The following EPB41L1 variants were observed in gnomAD, a reference collection of about 807,000 sequenced individuals.
EPB41L1 encodes erythrocyte membrane protein band 4.1 like 1.
EPB41L1 carries 29 observed loss-of-function variants against 97.8 expected under a neutral mutation model. That is an observed-to-expected ratio of 0.30 (90% CI 0.22 to 0.40). The LOEUF is 0.40. EPB41L1 is among the 10% of genes least tolerant of loss of function. EPB41L1 has a pLI of 1.00. For synonymous variants in EPB41L1, 383 were observed against 459.2 expected (o/e 0.83, Z 2.12); for missense variants, 812 against 1,162.3 (o/e 0.70, Z 4.38).
intron 1 of EPB41L1, among the ~76,000 whole-genome samples, chr20:36,170,341 A>G (rs1446243028): frequency 6.6e-6 from 1 of 152,204 alleles, no homozygotes; most frequent in African/African-American, 2.4e-5. Flanking sequence ...AAAAAATAAT[A>G]ATCTGTCTTC....
chr20:36,165,260 G>C (rs1332822986), intron 1 of EPB41L1, among the ~76,000 whole-genome samples: 1 of 152,048 alleles, frequency 6.6e-6, no homozygotes, highest in Admixed American at 6.6e-5. Context: ...GGGATTACAG[G>C]CATGAGCCAC....
intron 2 of EPB41L1, chr20:36,125,464 C>G: frequency 1.9e-6 from 2 of 1,076,186 alleles, no homozygotes; most frequent in Non-Finnish European, 2.8e-6. Context: ...TGGGGAGGAT[C>G]AATGAGGTAG....
In EPB41L1 at chr20:36,216,081, A is replaced by G. The variant is rs568758745; in HGVS notation, c.2268+1641A>G. 5.9e-5 allele frequency among the ~76,000 whole-genome samples: 9 copies of G among 152,300 alleles called. No homozygotes were observed. The South Asian group carries it at 1.2e-3, about 21-fold the overall frequency. ...CCCTGAGAACAGTGCCTGGCGCATA[A>G]TAAGTGGCCTGAAGATGTGAGCTGC... On this transcript the variant is annotated intron_variant, in intron 17 of 21. Coordinates refer to ENST00000338074, the MANE Select transcript of EPB41L1 (RefSeq NM_012156.2).
intron 1 of EPB41L1, among the ~76,000 whole-genome samples, chr20:36,107,946 A>G (rs1292120866): frequency 1.3e-5 from 2 of 152,086 alleles, no homozygotes; most frequent in African/African-American, 2.4e-5. Flanking sequence ...GGATGTATTA[A>G]AAAATGTAAA....
At chr20:36,117,879 AC>A (rs1439220354) in intron 2 of EPB41L1, among the ~76,000 whole-genome samples, 10 of 152,170 alleles carry the variant, frequency 6.6e-5, no homozygotes, top group African/African-American at 2.4e-4. Context: ...GTAAAGCCTC[AC>A]TCACCACTTC....
intron 2 of EPB41L1, chr20:36,125,644 G>T (rs957183240): frequency 1.4e-6 from 2 of 1,453,646 alleles, no homozygotes; most frequent in African/African-American, 2.8e-5. Context: ...TGTTGGGGAC[G>T]GCAAGGAGGC....
At chr20:36,128,874 C>A (rs1244408265) in intron 2 of EPB41L1, among the ~76,000 whole-genome samples, 1 of 152,094 alleles carries the variant, frequency 6.6e-6, no homozygotes, top group Admixed American at 6.6e-5. Context: ...TGGTGGGAGG[C>A]AGGGATGGGA....
chr20:36,139,159 C>T (rs2059538543), intron 2 of EPB41L1, among the ~76,000 whole-genome samples: 1 of 152,156 alleles, frequency 6.6e-6, no homozygotes, highest in Non-Finnish European at 1.5e-5. Flanking sequence ...CGCTGTACCC[C>T]CAGAGAGGCA....
At chr20:36,159,461 G>C (rs551611099) in intron 1 of EPB41L1, among the ~76,000 whole-genome samples, 1 of 152,304 alleles carries the variant, frequency 6.6e-6, no homozygotes, top group East Asian at 1.9e-4. Context: ...GATTCATTTT[G>C]TGCTTATGAC....
In EPB41L1 at chr20:36,194,205, A is replaced by C; in HGVS notation, c.1301-7A>C. 1 of 1,613,116 alleles carries C rather than the reference A, an allele frequency of 6.2e-7. No individual in the cohort carries two copies. Among genetic ancestry groups the C allele is most frequent in the Non-Finnish European group, 8.5e-7 (1 of 1,179,980 alleles). On this transcript the variant is annotated splice_polypyrimidine_tract_variant and splice_region_variant and intron_variant, in intron 11 of 21. Coordinates refer to ENST00000338074, the MANE Select transcript of EPB41L1 (RefSeq NM_012156.2). Reference sequence around the variant, plus strand: ...CATGGTTGCCTGGCTATCTCCACCCACTTCAGCAGAGTTCTCCCGCCCAGC... The same window carrying C: ...CATGGTTGCCTGGCTATCTCCACCCCCTTCAGCAGAGTTCTCCCGCCCAGC...
At chr20:36,228,696 T>A (rs549179842) in intron 21 of EPB41L1, among the ~76,000 whole-genome samples, 10 of 152,316 alleles carry the variant, frequency 6.6e-5, no homozygotes, top group Non-Finnish European at 8.8e-5. Flanking sequence ...CTTTAAACAC[T>A]GAGTTTTGGA....
chr20:36,207,092 C>A lies in EPB41L1; in HGVS notation c.1669-2396C>A, dbSNP rs2062862697. On this transcript the variant is annotated intron_variant, in intron 14 of 21. Transcript: ENST00000338074. The surrounding 1 kb of genome is among the most constrained non-coding windows in gnomAD (Gnocchi z 4.9). ...ATGGAGGTGATCATTCCCCTGCCAG[C>A]CTCCCCTGGTCATTCTGAGGACCTG... The A allele has an allele frequency of 1.6e-6, 2 of 1,289,006 alleles. No homozygotes were observed. The allele number at this position is 1,289,006 out of a possible 1,614,324, so 79.8% of individuals were successfully genotyped here.
chr20:36,184,104 A>T (rs2061577943), intron 6 of EPB41L1, among the ~76,000 whole-genome samples: 1 of 152,032 alleles, frequency 6.6e-6, no homozygotes, highest in Admixed American at 6.6e-5. Context: ...GCGTGGTGGC[A>T]TGTGGCTGTA....
Position 36,185,211 on chromosome 20 carries a change from C to T in EPB41L1, c.661C>T (p.Gln221Ter). 1.2e-6 allele frequency: 2 copies of T among 1,613,762 alleles called. No homozygotes were observed. The highest frequency in any genetic ancestry group is 1.7e-6 in the Non-Finnish European group (2 of 1,180,048). ...TGCCCTACTGGGCTCCTACGCTGTGCAGGCTGAGCTGGGTGACTATGATGC... is the reference window on the plus strand; with the variant it reads ...TGCCCTACTGGGCTCCTACGCTGTGTAGGCTGAGCTGGGTGACTATGATGC... ...THALLGSYAV[Q>*]AELGDYDAEE... Residue 221 changes from glutamine (Q) to a stop codon, truncating the protein, a stop_gained, in exon 7 of 22, where the codon CAG becomes TAG. Transcript: ENST00000338074. LOFTEE classifies it high-confidence loss of function.
chr20:36,137,999 T>C (rs992742961), intron 2 of EPB41L1, among the ~76,000 whole-genome samples: 4 of 152,268 alleles, frequency 2.6e-5, no homozygotes, highest in Non-Finnish European at 5.9e-5. Context: ...TTTTGTTACT[T>C]AGTATAATGT....
At chr20:36,110,030 C>T (rs2058338785) in intron 1 of EPB41L1, 1 of 151,858 alleles carries the variant, frequency 6.6e-6, no homozygotes, top group Admixed American at 6.6e-5. Context: ...CGACCTCTGC[C>T]TCCTGGGTTC....
intron 7 of EPB41L1, 130 bp downstream of exon 7, chr20:36,185,465 G>A: frequency 3.6e-6 from 3 of 833,230 alleles, no homozygotes; most frequent in Non-Finnish European, 5.9e-6. Flanking sequence ...CTAGCTTGAG[G>A]TATATCTAAG....
intron 1 of EPB41L1, among the ~76,000 whole-genome samples, chr20:36,094,978 T>C (rs1416990036): frequency 1.3e-5 from 2 of 151,990 alleles, no homozygotes; most frequent in Non-Finnish European, 2.9e-5. Context: ...ATTTTTTTTT[T>C]TTTCTTTTTT....
At chr20:36,194,493 G>T in intron 12 of EPB41L1, 133 bp downstream of exon 12, 1 of 1,255,472 alleles carries the variant, frequency 8.0e-7, no homozygotes, top group Non-Finnish European at 1.1e-6. Flanking sequence ...CCATGGCAGG[G>T]CCTTGCCTTT....
Sources: gnomAD v4.1 joint callset for allele counts (sites outside exome capture counted in the v4.1 genomes callset) on GRCh38, gnomAD v4.1.1 for gene constraint, Gnocchi (gnomAD v3.1) non-coding constraint, MANE v1.5 for transcripts, NCBI Gene and HGNC (gene_info 2026-07-23, HGNC 2026-07-21) for gene names.